Variants in TTN observed in about 807,000 individuals in gnomAD.
TTN encodes titin.
A neutral mutation model predicts 3,223.0 loss-of-function variants in TTN; 1,525 were observed. That is an observed-to-expected ratio of 0.47 (90% CI 0.45 to 0.49). The LOEUF (loss-of-function observed/expected upper bound fraction) is 0.49, where lower values mean the gene tolerates loss of function less well. Among genes scored for constraint, TTN ranks in the 20% least tolerant of loss-of-function variants. The probability of loss-of-function intolerance (pLI) is 0.00; values close to 1 mark genes in which losing one functional copy is unlikely to be tolerated. For missense variants in TTN, 40,786 were observed against 43,424.0 expected, an observed-to-expected ratio of 0.94 and a Z score of 5.40; for synonymous variants, 14,094 against 15,161.0, an observed-to-expected ratio of 0.93 and a Z score of 5.17.
Position 178,630,225 on chromosome 2 carries a change from A to C in TTN, c.44281+16T>G, listed in dbSNP as rs375646734. On this transcript the variant is annotated intron_variant, in intron 239 of 362. Coordinates refer to ENST00000589042, the MANE Select transcript of TTN (RefSeq NM_001267550.2). ...AAGTGTTTATTTAATTTCCCTGAAA[A>C]ATATACAATACTTACGCTTAACTCG... 12 of 1,611,100 alleles carry C rather than the reference A, an allele frequency of 7.4e-6. No individual in the cohort carries two copies. The African/African-American group carries it at 1.6e-4, about 22-fold the overall frequency.
intron 158 of TTN, 54 bp downstream of exon 158, chr2:178,669,538 C>T (rs1366299823): frequency 1.2e-6 from 2 of 1,605,046 alleles, no homozygotes; most frequent in Non-Finnish European, 1.7e-6. Flanking sequence ...CACTTTAAAC[C>T]ATGAAAAACT....
chr2:178,622,368 T>C (rs1559888318), intron 243 of TTN, among the ~76,000 whole-genome samples: 1 of 151,900 alleles, frequency 6.6e-6, no homozygotes, highest in Non-Finnish European at 1.5e-5. Context: ...AGGTACTTAG[T>C]TGAAAGAAAT....
rs2079475430 is a variant in TTN, at chr2:178,727,119, G to C, written c.20246C>G (p.Thr6749Arg). The C allele has an allele frequency of 1.9e-6, 3 of 1,593,242 alleles. No homozygotes were observed. The highest frequency in any genetic ancestry group is 1.7e-4 in the Middle Eastern group (1 of 5,980). The part of the protein sequence containing the change: ...ICEAQNPAGS[T>R]SCSTKVIVKE... Reference sequence around the variant, plus strand: ...TACTATAACCTTGGTACTGCAGCTTGTGCTGCCAGCGGGATTCTGAGCCTC... The same window carrying C: ...TACTATAACCTTGGTACTGCAGCTTCTGCTGCCAGCGGGATTCTGAGCCTC... Residue 6749 changes from threonine (T) to arginine (R), a missense_variant, in exon 69 of 363, where the codon ACA becomes AGA. Coordinates refer to ENST00000589042, the MANE Select transcript of TTN (RefSeq NM_001267550.2).
Position 178,577,583 on chromosome 2 carries a change from A to C in TTN, c.68824+19T>G, listed in dbSNP as rs149606889. ...TTTGCTTTAAAAAAAAAAGTACATA[A>C]AAAGTAAAATGGACCTACCGTATTC... On this transcript the variant is annotated intron_variant, in intron 323 of 362. Transcript: ENST00000589042. 3.8e-5 allele frequency: 60 copies of C among 1,561,402 alleles called. No individual in the cohort carries two copies. The East Asian group carries it at 1.3e-3, about 34-fold the overall frequency.
chr2:178,625,922 C>T (rs2058970457), intron 240 of TTN, among the ~76,000 whole-genome samples: 1 of 151,952 alleles, frequency 6.6e-6, no homozygotes, highest in Admixed American at 6.6e-5. Context: ...GGTGGCCTTT[C>T]ACATTGAAAT....
Position 178,547,660 on chromosome 2 carries a change from T to C in TTN, c.93966A>G (p.Ser31322=). Residue 31322 remains serine, a synonymous_variant, in exon 339 of 363, where the codon TCA becomes TCG. Coordinates refer to ENST00000589042, the MANE Select transcript of TTN (RefSeq NM_001267550.2). The part of the protein sequence containing the change: ...VTGPIEVSSV[S]AESCVLSWGE... ...CCCATGACAGGACACACGATTCAGCTGAGACAGATGAGACCTCAATGGGGC... is the reference window on the plus strand; with the variant it reads ...CCCATGACAGGACACACGATTCAGCCGAGACAGATGAGACCTCAATGGGGC... The C allele has an allele frequency of 1.2e-6, 2 of 1,613,924 alleles. No individual in the cohort carries two copies. The highest frequency in any genetic ancestry group is 1.7e-6 in the Non-Finnish European group (2 of 1,179,828).
At chr2:178,679,285 A>G (rs886631594) in intron 142 of TTN, 54 bp downstream of exon 142, 4 of 1,578,562 alleles carry the variant, frequency 2.5e-6, no homozygotes, top group African/African-American at 1.4e-5. Flanking sequence ...TCACCAAGTT[A>G]TGCTGCATGG....
chr2:178,766,282 C>G, intron 41 of TTN, 99 bp downstream of exon 41: 1 of 971,076 alleles, frequency 1.0e-6, no homozygotes, highest in Non-Finnish European at 1.7e-6. Flanking sequence ...ACCATAGGTT[C>G]TTTAGAAATT....
At chr2:178,745,933 A>G in intron 47 of TTN, 2 of 1,608,782 alleles carry the variant, frequency 1.2e-6, no homozygotes, top group Non-Finnish European at 1.7e-6. Flanking sequence ...CTTCCATTAA[A>G]CTGCTTAAAG....
In TTN at chr2:178,599,810, T is replaced by G. The variant is rs767433299; in HGVS notation, c.56091A>C (p.Glu18697Asp). The part of the protein sequence containing the change: ...SIDLKEFMEV[E>D]EGTNVNIVAK... ...CCACAATGTTAACATTGGTTCCTTC[T>G]TCAACCTCCATGAATTCTTTTAGAT... is the stretch of plus-strand genomic sequence containing the variant. Residue 18697 changes from glutamate to aspartate, a missense_variant, in exon 289 of 363, where the codon GAA (glutamate) becomes GAC (aspartate). Physicochemically the swap from Glu to Asp is conservative, Grantham distance 45. Coordinates refer to ENST00000589042, the MANE Select transcript of TTN (RefSeq NM_001267550.2). 1 of 1,603,282 alleles carries G rather than the reference T, an allele frequency of 6.2e-7. No individual in the cohort carries two copies. The highest frequency in any genetic ancestry group is 8.5e-7 in the Non-Finnish European group (1 of 1,175,714).
At chr2:178,731,995 G>A in intron 57 of TTN, 24 bp from the exon 58 acceptor site, 1 of 1,593,444 alleles carries the variant, frequency 6.3e-7, no homozygotes, top group South Asian at 1.1e-5. Context: ...GGAATGATTT[G>A]CATTAAGGGA....
At chr2:178,673,987 A>G (rs1203458853) in intron 151 of TTN, among the ~76,000 whole-genome samples, 1 of 151,792 alleles carries the variant, frequency 6.6e-6, no homozygotes, top group Non-Finnish European at 1.5e-5. Context: ...CACTTTCACC[A>G]GAGAAATAGA....
Position 178,608,473 on chromosome 2 carries a change from T to C in TTN, c.52410A>G (p.Pro17470=), listed in dbSNP as rs756103681. The C allele has an allele frequency of 7.0e-6, 11 of 1,580,376 alleles. No homozygotes were observed. The highest frequency in any genetic ancestry group is 2.4e-5 in the South Asian group (2 of 85,028). Residue 17470 remains proline (P), a synonymous_variant, in exon 275 of 363, where the codon CCA becomes CCG. Transcript: ENST00000589042. ...CAATGGGCTTATCTGGTGCATCAGGTGGTCCTGATAAAAAAATAACATTTG... is the reference window on the plus strand; with the variant it reads ...CAATGGGCTTATCTGGTGCATCAGGCGGTCCTGATAAAAAAATAACATTTG... ...KPLVAKDPFG[P]PDAPDKPIVE...
rs1386491689 is a variant in TTN, at chr2:178,740,939, A to G, written c.12294T>C (p.Ala4098=). 3 of 1,613,766 alleles carry G rather than the reference A, an allele frequency of 1.9e-6. No homozygotes were observed. The Admixed American group carries it at 5.0e-5, about 27-fold the overall frequency. ...GCTGACTGCTCAATTCATTGGCTTTAGCAATATGCTCATAAGATAGTTGCT... is the reference window on the plus strand; with the variant it reads ...GCTGACTGCTCAATTCATTGGCTTTGGCAATATGCTCATAAGATAGTTGCT... The part of the protein sequence containing the change: ...ENQQLSYEHI[A]KANELSSQLP... Residue 4098 remains alanine (A), a synonymous_variant, in exon 48 of 363, where the codon GCT becomes GCC. Coordinates refer to ENST00000589042, the MANE Select transcript of TTN (RefSeq NM_001267550.2).
rs1362459833 is a variant in TTN, at chr2:178,719,784, C to T, written c.23708G>A (p.Gly7903Glu). ...EKPEPMTVTT[G>E]NPFALECVVT... ...TACACACTCTAATGCAAAAGGATTT[C>T]CAGTAGTGACAGTCATGGGTTCGGG... Residue 7903 changes from glycine to glutamate, a missense_variant, in exon 82 of 363, where the codon GGA becomes GAA. By Grantham distance (98) the Gly-to-Glu change is moderately conservative. Transcript: ENST00000589042. 6.2e-7 allele frequency: 1 copy of T among 1,613,318 alleles called. No individual in the cohort carries two copies. The highest frequency in any genetic ancestry group is 1.3e-5 in the African/African-American group (1 of 74,992).
At chr2:178,750,365 C>T (rs1331367125) in intron 47 of TTN, 2 of 1,613,000 alleles carry the variant, frequency 1.2e-6, no homozygotes, top group East Asian at 2.2e-5. Flanking sequence ...AGTAATAGAA[C>T]CTTCATTCTG....
intron 213 of TTN, among the ~76,000 whole-genome samples, chr2:178,648,522 G>A (rs1024781799): frequency 4.6e-5 from 7 of 152,036 alleles, no homozygotes; most frequent in Middle Eastern, 3.4e-3. Flanking sequence ...CAATTCTCCT[G>A]CCTCAGCCTC....
intron 43 of TTN, among the ~76,000 whole-genome samples, chr2:178,761,560 T>C (rs1294358043): frequency 6.6e-6 from 1 of 152,166 alleles, no homozygotes; most frequent in Non-Finnish European, 1.5e-5. Flanking sequence ...CTGTGTTCAA[T>C]GATCCTACAT....
chr2:178,686,592 A>T (rs541248694), intron 127 of TTN, among the ~76,000 whole-genome samples: 101 of 151,432 alleles, frequency 6.7e-4, no homozygotes, highest in African/African-American at 2.4e-3. Context: ...TGTTTTTTTA[A>T]TTTTTGTAGA....
Sources: gnomAD v4.1 joint callset for allele counts (sites outside exome capture counted in the v4.1 genomes callset) on GRCh38, gnomAD v4.1.1 for gene constraint, MANE v1.5 for transcripts, NCBI Gene and HGNC (gene_info 2026-07-23, HGNC 2026-07-21) for gene names.